ANKIB1: variants seen among roughly 807,000 people sequenced by gnomAD.
The protein encoded by ANKIB1 is ankyrin repeat and IBR domain-containing protein 1.
ANKIB1 carries 43 observed loss-of-function variants against 122.1 expected under a neutral mutation model. The ratio of observed to expected loss-of-function variants is 0.35; its 90% CI spans 0.28 to 0.45. The LOEUF (loss-of-function observed/expected upper bound fraction) is 0.45, where lower values mean the gene tolerates loss of function less well. ANKIB1 is among the 20% of genes least tolerant of loss of function. The probability of loss-of-function intolerance (pLI) is 1.00; values close to 1 mark genes in which losing one functional copy is unlikely to be tolerated. For missense variants in ANKIB1, 992 were observed against 1,329.5 expected, an observed-to-expected ratio of 0.75 and a Z score of 3.95; for synonymous variants, 390 against 442.0, an observed-to-expected ratio of 0.88 and a Z score of 1.48.
chr7:92,357,485 A>C (rs1319777713), intron 9 of ANKIB1, among the ~76,000 whole-genome samples: 3 of 152,184 alleles, frequency 2.0e-5, no homozygotes, highest in Non-Finnish European at 2.9e-5. Context: ...GTATAATCCC[A>C]GCATTTTGCA....
chr7:92,298,369 A>C (rs1802396892), intron 2 of ANKIB1, among the ~76,000 whole-genome samples: 1 of 151,976 alleles, frequency 6.6e-6, no homozygotes, highest in Non-Finnish European at 1.5e-5. Context: ...ACTTATTTAT[A>C]ATACCAATAT....
At position 92,260,066 on chromosome 7, in the gene ANKIB1, C is replaced by G. The variant is rs576049234; in HGVS notation, c.-91+13547C>G. On this transcript the variant is annotated intron_variant, in intron 1 of 19. Transcript: ENST00000265742. ...TTCTTAACAGACAGCTAGGCTAGTC[C>G]TGTTAAATGTAAGTCTGGTCATTTC... Among the ~76,000 whole-genome samples the G allele has an allele frequency of 4.6e-5, 7 of 152,274 alleles. No individual in the cohort carries two copies. In the South Asian group the frequency reaches 1.2e-3, roughly 27 times the overall value.
chr7:92,399,141 A>G lies in ANKIB1; in HGVS notation c.*192A>G. 2.0e-6 allele frequency: 1 copy of G among 507,638 alleles called. No individual in the cohort carries two copies. The highest frequency in any genetic ancestry group is 7.6e-5 in the South Asian group (1 of 13,170). 31.4% of individuals were successfully genotyped at this position (507,638 alleles called of 1,614,324 possible). A position where few individuals can be genotyped will look rare whatever the true frequency, so the allele number is the denominator to read the frequency against. On this transcript the variant is annotated 3_prime_UTR_variant, in exon 20 of 20. Coordinates refer to ENST00000265742, the MANE Select transcript of ANKIB1 (RefSeq NM_019004.2). ...TAACCTTACAGGGAATTTCCTTTGT[A>G]CTTAATTGAATAGCTTTTCCCCTTT...
chr7:92,332,760 G>A (rs1803196329), intron 5 of ANKIB1, among the ~76,000 whole-genome samples: 1 of 152,008 alleles, frequency 6.6e-6, no homozygotes, highest in African/African-American at 2.4e-5. Context: ...CTCTTCCTGG[G>A]AAATGTTACC....
chr7:92,332,262 A>G (rs879742639), intron 5 of ANKIB1, among the ~76,000 whole-genome samples: 2 of 152,234 alleles, frequency 1.3e-5, no homozygotes, highest in Non-Finnish European at 2.9e-5. Context: ...GTTAGTGCAC[A>G]TAACTACAGT....
chr7:92,296,066 C>T (rs1802349418), intron 2 of ANKIB1, among the ~76,000 whole-genome samples: 1 of 152,096 alleles, frequency 6.6e-6, no homozygotes, highest in Non-Finnish European at 1.5e-5. Context: ...CAGCCTTTTT[C>T]CTGTTTCTTC....
intron 1 of ANKIB1, among the ~76,000 whole-genome samples, chr7:92,291,186 C>T (rs192901428): frequency 6.6e-6 from 1 of 151,442 alleles, no homozygotes; most frequent in African/African-American, 2.4e-5. Context: ...TCCAGCTACT[C>T]GGGAGTCTGA....
chr7:92,319,273 C>G (rs1269855158), intron 3 of ANKIB1, 57 bp from the exon 4 acceptor site: 1 of 1,045,006 alleles, frequency 9.6e-7, no homozygotes, highest in African/African-American at 1.6e-5. Context: ...TTAAAAATAG[C>G]ATGAAATAAC....
intron 11 of ANKIB1, among the ~76,000 whole-genome samples, chr7:92,382,316 A>G (rs571864745): frequency 6.6e-6 from 1 of 152,354 alleles, no homozygotes; most frequent in African/African-American, 2.4e-5. Context: ...CACTGTCAAT[A>G]TTAGACAGAT....
At chr7:92,338,923 AAAAAAAAAAAAT>A (rs1235392716) in intron 5 of ANKIB1, among the ~76,000 whole-genome samples, 12 of 58,530 alleles carry the variant, frequency 2.1e-4, no homozygotes, top group East Asian at 1.5e-3. Flanking sequence ...AAAAAAAAAA[AAAAAAAAAAAAT>A]ATATATATAT....
intron 1 of ANKIB1, among the ~76,000 whole-genome samples, chr7:92,282,468 C>T (rs77823876): frequency 0.094 from 14,267 of 152,182 alleles, 888 homozygotes; most frequent in East Asian, 0.36. Context: ...TTGTGTCTGT[C>T]TTAGATGCAT....
At chr7:92,352,836 T>C (rs1306782094) in intron 9 of ANKIB1, among the ~76,000 whole-genome samples, 194 bp downstream of exon 9, 1 of 152,210 alleles carries the variant, frequency 6.6e-6, no homozygotes, top group Non-Finnish European at 1.5e-5. Context: ...ACACCAGCTA[T>C]TTTTTACATA....
chr7:92,333,682 G>A (rs747681138), intron 5 of ANKIB1, among the ~76,000 whole-genome samples: 1 of 152,104 alleles, frequency 6.6e-6, no homozygotes, highest in Non-Finnish European at 1.5e-5. Flanking sequence ...TCCTATCATT[G>A]TATGCCCGCT....
intron 4 of ANKIB1, among the ~76,000 whole-genome samples, chr7:92,320,307 A>G (rs1212356343): frequency 6.6e-6 from 1 of 152,076 alleles, no homozygotes; most frequent in Non-Finnish European, 1.5e-5. Flanking sequence ...CTGCAGTATG[A>G]CTTTCTTCCC....
intron 11 of ANKIB1, among the ~76,000 whole-genome samples, chr7:92,381,660 G>T (rs1585135841): frequency 1.3e-5 from 2 of 152,300 alleles, no homozygotes; most frequent in East Asian, 1.9e-4. Context: ...AAGTGAAGGA[G>T]AAATGAAATC....
intron 3 of ANKIB1, among the ~76,000 whole-genome samples, chr7:92,315,387 A>G (rs1585103399): frequency 6.6e-6 from 1 of 152,336 alleles, no homozygotes; most frequent in South Asian, 2.1e-4. Context: ...CTCATTTAGA[A>G]TTTAGAATTG....
At chr7:92,306,695 A>C (rs931032879) in intron 2 of ANKIB1, among the ~76,000 whole-genome samples, 2 of 152,156 alleles carry the variant, frequency 1.3e-5, no homozygotes, top group African/African-American at 4.8e-5. Flanking sequence ...AGCGTCCACA[A>C]CTGTGAGAAA....
At chr7:92,337,541 A>T (rs1483944932) in intron 5 of ANKIB1, among the ~76,000 whole-genome samples, 2 of 152,160 alleles carry the variant, frequency 1.3e-5, no homozygotes, top group East Asian at 3.8e-4. Flanking sequence ...AATAAGGCAT[A>T]CTTGGGCTTG....
intron 11 of ANKIB1, among the ~76,000 whole-genome samples, chr7:92,374,158 A>G (rs1276598665): frequency 2.0e-5 from 3 of 152,186 alleles, no homozygotes; most frequent in Non-Finnish European, 4.4e-5. Flanking sequence ...AGTACAAATA[A>G]TATTCTCCGA....
Sources: allele counts gnomAD v4.1 joint callset (sites outside exome capture counted in the v4.1 genomes callset), GRCh38; gene constraint gnomAD v4.1.1; transcripts MANE v1.5; gene names NCBI Gene and HGNC (gene_info 2026-07-23, HGNC 2026-07-21).